Variants in U2SURP observed in about 807,000 individuals in gnomAD.
The protein encoded by U2SURP is U2 snRNP-associated SURP motif-containing protein.
Under a neutral mutation model 144.9 loss-of-function variants are expected in U2SURP, and 9 were observed. The observed-to-expected ratio is 0.06, with a 90% CI of 0.04 to 0.11. The LOEUF is 0.11. U2SURP is among the 10% of genes least tolerant of loss of function. The probability of loss-of-function intolerance (pLI) is 1.00; values close to 1 mark genes in which losing one functional copy is unlikely to be tolerated. For synonymous variants in U2SURP, 408 were observed against 396.8 expected (o/e 1.03, Z -0.33); for missense variants, 724 against 1,226.7 (o/e 0.59, Z 6.12).
chr3:143,044,964 T>G (rs1454318419), intron 24 of U2SURP, among the ~76,000 whole-genome samples: 1 of 152,202 alleles, frequency 6.6e-6, no homozygotes, highest in African/African-American at 2.4e-5. Flanking sequence ...TGGGATGTAT[T>G]CATATACATT....
chr3:143,051,908 T>C (rs2108318416), intron 25 of U2SURP, among the ~76,000 whole-genome samples: 1 of 152,250 alleles, frequency 6.6e-6, no homozygotes. Context: ...TACTCTTCAT[T>C]ATAAGTATTT....
chr3:143,020,877 A>G (rs1936595356), intron 8 of U2SURP, among the ~76,000 whole-genome samples, 184 bp downstream of exon 8: 1 of 151,824 alleles, frequency 6.6e-6, no homozygotes, highest in Non-Finnish European at 1.5e-5. Flanking sequence ...ACAGTAAGAG[A>G]TTAACAACAA....
intron 1 of U2SURP, chr3:143,002,256 G>T (rs1935576209): frequency 6.5e-6 from 1 of 154,034 alleles, no homozygotes; most frequent in African/African-American, 2.4e-5. Flanking sequence ...CAGTCTACAC[G>T]TGGTCTTTAC....
At position 143,059,877 on chromosome 3, in the gene U2SURP, C is replaced by G. The variant is rs111440951; in HGVS notation, c.*3427C>G. 2 of 152,314 alleles carry G rather than the reference C, an allele frequency of 1.3e-5. No homozygotes were observed. The highest frequency in any genetic ancestry group is 4.8e-5 in the African/African-American group (2 of 41,376). The allele number at this position is 152,314 out of a possible 1,614,324, so 9.4% of individuals were successfully genotyped here. A position where few individuals can be genotyped will look rare whatever the true frequency, so the allele number is the denominator to read the frequency against. The stretch of plus-strand genomic sequence containing the variant: ...GTGCTTGATCTCTTCATATTTCACA[C>G]GCATGTTTTAGAATAGATTTTAGGG... On this transcript the variant is annotated 3_prime_UTR_variant, in exon 28 of 28. Coordinates refer to ENST00000473835, the MANE Select transcript of U2SURP (RefSeq NM_001080415.2).
At chr3:143,039,182 G>A (rs1349033381) in intron 23 of U2SURP, among the ~76,000 whole-genome samples, 1 of 151,740 alleles carries the variant, frequency 6.6e-6, no homozygotes, top group East Asian at 1.9e-4. Context: ...TTTTACGCTA[G>A]GTTATATTCT....
At chr3:143,034,617 G>A in intron 18 of U2SURP, 1 of 224,992 alleles carries the variant, frequency 4.4e-6, no homozygotes, top group Non-Finnish European at 8.6e-6. Context: ...AATTGGACGA[G>A]ATGGTTCAGC....
At chr3:143,024,040 T>A (rs1932981085) in intron 13 of U2SURP, 22 bp downstream of exon 13, 1 of 1,600,632 alleles carries the variant, frequency 6.2e-7, no homozygotes. Context: ...TCTTTATTAT[T>A]ACTGATCTAA....
chr3:143,037,425 T>TA, intron 21 of U2SURP, 90 bp downstream of exon 21: 1 of 1,252,100 alleles, frequency 8.0e-7, no homozygotes, highest in East Asian at 2.5e-5. Flanking sequence ...GGAAAAAGGT[T>TA]ATAGTTTCTC....
intron 18 of U2SURP, among the ~76,000 whole-genome samples, chr3:143,033,600 C>T (rs1933632709): frequency 6.6e-6 from 1 of 152,092 alleles, no homozygotes. Context: ...TATGAAAACT[C>T]TACATAGCAT....
chr3:143,042,973 A>G, intron 23 of U2SURP, 144 bp from the exon 24 acceptor site: 1 of 718,810 alleles, frequency 1.4e-6, no homozygotes, highest in Non-Finnish European at 2.1e-6. Flanking sequence ...TATTTTGCAA[A>G]ATATGCTTGA....
chr3:143,058,037 CATT>C lies in U2SURP; in HGVS notation c.*1589_*1591del, dbSNP rs1415745242. ...TTTGTTAGTCCATTTTGTTAGGAAA[CATT>C]AATTCCTAAAAATTTGTTCAGAATA... On this transcript the variant is annotated 3_prime_UTR_variant, in exon 28 of 28. Coordinates refer to ENST00000473835, the MANE Select transcript of U2SURP (RefSeq NM_001080415.2). 1 of 152,314 alleles carries C rather than the reference CATT, an allele frequency of 6.6e-6. No homozygotes were observed. The highest frequency in any genetic ancestry group is 2.4e-5 in the African/African-American group (1 of 41,400). The allele number at this position is 152,314 out of a possible 1,614,324, so 9.4% of individuals were successfully genotyped here. A position where few individuals can be genotyped will look rare whatever the true frequency, so the allele number is the denominator to read the frequency against.
rs9968132 is a variant in U2SURP at position 143,032,414 on chromosome 3, G to A, written c.1611-370G>A. On this transcript the variant is annotated intron_variant, in intron 16 of 27. Transcript: ENST00000473835. ...AAAAATTAGCCTGTCGTAATCCCAG[G>A]CAGAAGTGTTAAAGTAATAGACTTC... Among the ~76,000 whole-genome samples, 746 of 152,238 alleles carry A rather than the reference G, an allele frequency of 4.9e-3. 7 individuals carry two copies. Among genetic ancestry groups the A allele is most frequent in the African/African-American group, 0.017 (722 of 41,516 alleles).
In U2SURP at chr3:143,055,007, C is replaced by A; in HGVS notation, c.2839C>A (p.Pro947Thr). The A allele has an allele frequency of 1.2e-6, 2 of 1,609,446 alleles. No individual in the cohort carries two copies. The highest frequency in any genetic ancestry group is 2.2e-5 in the East Asian group (1 of 44,738). The change falls in exon 27 of 28, where the codon CCA becomes ACA. Residue 947 changes from proline (P) to threonine (T), a missense_variant. Physicochemically the swap from Pro to Thr is conservative, Grantham distance 38. Around this residue, in one of 13 missense-constraint regions of U2SURP, gnomAD observed 129 missense variants for 196.1 expected, o/e 0.66. Transcript: ENST00000473835. ...RSSSGRRVKS[P>T]SPKSERSERS... ...TAGCAGTGGTAGACGAGTGAAATCCCCATCACCAAAATCGGAGCGATCAGA... is the reference window on the plus strand; with the variant it reads ...TAGCAGTGGTAGACGAGTGAAATCCACATCACCAAAATCGGAGCGATCAGA...
chr3:143,035,209 T>C (rs1000847546), intron 19 of U2SURP, among the ~76,000 whole-genome samples: 5 of 152,214 alleles, frequency 3.3e-5, no homozygotes, highest in African/African-American at 1.2e-4. Flanking sequence ...AAATTATAAA[T>C]GTTAGTCTTT....
intron 12 of U2SURP, chr3:143,023,403 G>A: frequency 5.1e-6 from 1 of 197,398 alleles, no homozygotes; most frequent in Admixed American, 5.7e-5. Context: ...ATTTCAATTA[G>A]AAAGACCTCC....
intron 27 of U2SURP, among the ~76,000 whole-genome samples, chr3:143,055,670 C>A (rs1935115581): frequency 6.6e-6 from 1 of 151,982 alleles, no homozygotes; most frequent in African/African-American, 2.4e-5. Flanking sequence ...TATGCTAATA[C>A]TTTATTATTG....
chr3:143,051,077 A>G (rs759097704), intron 25 of U2SURP, 28 bp downstream of exon 25: 8 of 1,375,546 alleles, frequency 5.8e-6, no homozygotes, highest in Middle Eastern at 1.8e-4. Flanking sequence ...CCAATAATAC[A>G]CATATTTTGA....
intron 1 of U2SURP, among the ~76,000 whole-genome samples, chr3:143,004,966 T>G (rs1415333593): frequency 6.6e-6 from 1 of 152,162 alleles, no homozygotes; most frequent in Non-Finnish European, 1.5e-5. Context: ...GCATATTTCC[T>G]TAGAATTTAA....
In U2SURP at chr3:143,056,336, T is replaced by C. The variant is rs769648931; in HGVS notation, c.2976T>C (p.Pro992=). Residue 992 remains proline (P), a synonymous_variant, in exon 28 of 28, where the codon CCT becomes CCC. Transcript: ENST00000473835. ...AKRSPSGSRT[P]KRSRRSRSRS... ...GATCACCATCTGGTTCAAGGACACC[T>C]AAAAGGTCTAGGCGATCACGGTCTA... 3.1e-6 allele frequency: 5 copies of C among 1,608,998 alleles called. No individual in the cohort carries two copies. In the Admixed American group the frequency reaches 6.7e-5, roughly 22 times the overall value.
Sources: gnomAD v4.1 joint callset for allele counts (sites outside exome capture counted in the v4.1 genomes callset) on GRCh38, gnomAD v4.1.1 for gene constraint, gnomAD v4.1.1 regional missense constraint, MANE v1.5 for transcripts, NCBI Gene and HGNC (gene_info 2026-07-23, HGNC 2026-07-21) for gene names.